The following ANO2 variants were observed in gnomAD, a reference collection of about 807,000 sequenced individuals.
ANO2 encodes anoctamin-2.
A neutral mutation model predicts 124.2 loss-of-function variants in ANO2; 101 were observed. That is an observed-to-expected ratio of 0.81 (90% CI 0.69 to 0.96). The LOEUF (loss-of-function observed/expected upper bound fraction) is 0.96, where lower values mean the gene tolerates loss of function less well. ANO2 is among the 40% of genes least tolerant of loss of function. ANO2 has a pLI of 0.00. For missense variants in ANO2, 1,293 were observed against 1,274.5 expected (o/e 1.01, Z -0.22); for synonymous variants, 486 against 482.5 (o/e 1.01, Z -0.09).
chr12:5,776,875 G>A (rs1008719616), intron 10 of ANO2, among the ~76,000 whole-genome samples: 2 of 152,176 alleles, frequency 1.3e-5, no homozygotes, highest in East Asian at 3.9e-4. Flanking sequence ...GGAGGTGTAT[G>A]GGGGCAGAAC....
At chr12:5,713,033 C>T (rs552917532) in intron 14 of ANO2, among the ~76,000 whole-genome samples, 38 of 152,300 alleles carry the variant, frequency 2.5e-4, no homozygotes, top group African/African-American at 8.9e-4. Context: ...ATCAGATCTG[C>T]ATTCTGGATG....
rs188871549 is a variant in ANO2 at position 5,665,025 on chromosome 12, T to C, written c.1546-17224A>G. On this transcript the variant is annotated intron_variant, in intron 14 of 24. Transcript: ENST00000682330. ...TGTCCCTAAGCAAGGTCTTTTTTTT[T>C]TCTTCAGGCAGCAAATAGTGATTTG... is the stretch of plus-strand genomic sequence containing the variant. 4.0e-3 allele frequency among the ~76,000 whole-genome samples: 608 copies of C among 152,294 alleles called. 5 individuals are homozygous for C. Among genetic ancestry groups the C allele is most frequent in the African/African-American group, 0.013 (558 of 41,558 alleles).
chr12:5,851,027 G>A (rs890000162), intron 4 of ANO2, among the ~76,000 whole-genome samples: 2 of 138,402 alleles, frequency 1.4e-5, no homozygotes, highest in Admixed American at 6.8e-5. Context: ...ACCACACAAC[G>A]AATAACTGCA....
chr12:5,815,809 CT>C (rs1170108660), intron 7 of ANO2, among the ~76,000 whole-genome samples: 1 of 151,930 alleles, frequency 6.6e-6, no homozygotes, highest in Non-Finnish European at 1.5e-5. Context: ...TTCTTGTAAG[CT>C]ACCCCAGAAA....
chr12:5,780,788 C>T (rs1223397442), intron 10 of ANO2, among the ~76,000 whole-genome samples: 1 of 152,068 alleles, frequency 6.6e-6, no homozygotes, highest in Non-Finnish European at 1.5e-5. Flanking sequence ...AAGGGCAGGC[C>T]GTGGGGCTGT....
Position 5,862,922 on chromosome 12 carries a change from C to G in ANO2, c.535-8781G>C, listed in dbSNP as rs67321083. On this transcript the variant is annotated intron_variant, in intron 3 of 24. Coordinates refer to ENST00000682330, the MANE Select transcript of ANO2 (RefSeq NM_001364791.2). This position sits in a 1 kb window ranked among gnomAD's most constrained non-coding sequence, Gnocchi z 4.0. ...CCTCCAGCCTCAGCCTCCTGAGTAG[C>G]TGGGATTACAGGCACCCACCACCAC... Among the ~76,000 whole-genome samples the G allele has an allele frequency of 0.14, 21,096 of 152,116 alleles. 1,774 individuals are homozygous for G. Among genetic ancestry groups the G allele is most frequent in the Non-Finnish European group, 0.19 (13,021 of 67,966 alleles).
Position 5,627,236 on chromosome 12 carries a change from T to TC in ANO2, c.1816+7915dup, listed in dbSNP as rs201143709. Among the ~76,000 whole-genome samples, 1,209 of 150,976 alleles carry TC rather than the reference T, an allele frequency of 8.0e-3. 22 individuals are homozygous for TC. The highest frequency in any genetic ancestry group is 0.028 in the African/African-American group (1,130 of 41,044). On this transcript the variant is annotated intron_variant, in intron 16 of 24. Transcript: ENST00000682330. Reference sequence around the variant, plus strand: ...ATTTAAGCCAACATCATGGAGGGGGTCCCCCAACAAGCATAGAATCCCCCC... The same window carrying TC: ...ATTTAAGCCAACATCATGGAGGGGGTCCCCCCAACAAGCATAGAATCCCCCC...
intron 2 of ANO2, among the ~76,000 whole-genome samples, chr12:5,922,200 C>T (rs1399359400): frequency 6.6e-6 from 1 of 152,170 alleles, no homozygotes; most frequent in Non-Finnish European, 1.5e-5. Flanking sequence ...GGCCTCTCCC[C>T]GTGGGTGTTT....
At chr12:5,859,338 G>T (rs1955197429) in intron 3 of ANO2, among the ~76,000 whole-genome samples, 2 of 152,174 alleles carry the variant, frequency 1.3e-5, no homozygotes, top group Non-Finnish European at 2.9e-5. Context: ...AGCAGGAAAT[G>T]TCTCTAGCTT....
At chr12:5,797,259 T>C (rs1407009070) in intron 10 of ANO2, among the ~76,000 whole-genome samples, 2 of 151,874 alleles carry the variant, frequency 1.3e-5, no homozygotes, top group Non-Finnish European at 2.9e-5. Context: ...GTGGGAGGAA[T>C]GATGGAGAGG....
At chr12:5,844,978 A>C (rs1954637350) in intron 4 of ANO2, among the ~76,000 whole-genome samples, 1 of 150,468 alleles carries the variant, frequency 6.6e-6, no homozygotes, top group Non-Finnish European at 1.5e-5. Flanking sequence ...TTTTTAGTAA[A>C]ACCAAAGACT....
At chr12:5,899,859 G>A (rs921892671) in intron 3 of ANO2, among the ~76,000 whole-genome samples, 4 of 152,172 alleles carry the variant, frequency 2.6e-5, no homozygotes, top group Non-Finnish European at 5.9e-5. Flanking sequence ...GGGTGTGTGC[G>A]CTTTTCCCAG....
chr12:5,692,396 T>C (rs1451757052), intron 14 of ANO2, among the ~76,000 whole-genome samples: 2 of 152,084 alleles, frequency 1.3e-5, no homozygotes, highest in Non-Finnish European at 2.9e-5. Flanking sequence ...GTAAGATACT[T>C]AAGTTCTTTA....
At chr12:5,819,483 A>G (rs1953715935) in intron 7 of ANO2, among the ~76,000 whole-genome samples, 2 of 152,212 alleles carry the variant, frequency 1.3e-5, no homozygotes, top group Admixed American at 6.5e-5. Flanking sequence ...GGGAGTTAAA[A>G]GGGGTTCTAA....
intron 22 of ANO2, 55 bp downstream of exon 22, chr12:5,577,894 ACCTCAG>A (rs938404150): frequency 1.3e-6 from 2 of 1,539,430 alleles, no homozygotes; most frequent in Non-Finnish European, 1.8e-6. Flanking sequence ...CACTTTGAAG[ACCTCAG>A]CTTCTCTGGA....
In ANO2 at chr12:5,636,833, G is replaced by T. The variant is rs1946041170; in HGVS notation, c.1621-1486C>A. ...CAGGTATGGATGTTTTCAGACCTCT[G>T]GGGGGTACCTGGGGTGTGCTGGTGG... On this transcript the variant is annotated intron_variant, in intron 15 of 24. Coordinates refer to ENST00000682330, the MANE Select transcript of ANO2 (RefSeq NM_001364791.2). This position sits in a 1 kb window ranked among gnomAD's most constrained non-coding sequence, Gnocchi z 4.6. Among the ~76,000 whole-genome samples, 1 of 152,082 alleles carries T rather than the reference G, an allele frequency of 6.6e-6. No individual in the cohort carries two copies. Among genetic ancestry groups the T allele is most frequent in the African/African-American group, 2.4e-5 (1 of 41,410 alleles).
chr12:5,730,192 AT>A (rs1366834883), intron 14 of ANO2, among the ~76,000 whole-genome samples: 4 of 152,130 alleles, frequency 2.6e-5, no homozygotes, highest in African/African-American at 9.6e-5. Context: ...ATATATAAAA[AT>A]ATGCATATTG....
intron 11 of ANO2, 52 bp from the exon 12 acceptor site, chr12:5,744,369 C>T: frequency 6.3e-7 from 1 of 1,598,944 alleles, no homozygotes; most frequent in Non-Finnish European, 8.6e-7. Flanking sequence ...ATGGTCCACT[C>T]CAAGAAAAAT....
chr12:5,714,690 C>T (rs1949950796), intron 14 of ANO2, among the ~76,000 whole-genome samples: 1 of 152,124 alleles, frequency 6.6e-6, no homozygotes, highest in African/African-American at 2.4e-5. Flanking sequence ...TCCTCTTCTT[C>T]CCTTTTAATA....
Sources: allele counts gnomAD v4.1 joint callset (sites outside exome capture counted in the v4.1 genomes callset), GRCh38; gene constraint gnomAD v4.1.1; non-coding constraint Gnocchi (gnomAD v3.1); transcripts MANE v1.5; gene names NCBI Gene and HGNC (gene_info 2026-07-23, HGNC 2026-07-21).